The following SRGAP3 variants were observed in gnomAD, a reference collection of about 807,000 sequenced individuals.
The protein encoded by SRGAP3 is SLIT-ROBO Rho GTPase activating protein 3, also known as SLIT-ROBO Rho GTPase-activating protein 3.
In SRGAP3, 39 loss-of-function variants were observed where a neutral mutation model predicts 121.1. That is an observed-to-expected ratio of 0.32 (90% CI 0.25 to 0.42). The LOEUF is 0.42. Ranked by LOEUF, SRGAP3 falls within the 10% of genes least tolerant of loss-of-function variation. SRGAP3 has a pLI of 1.00. For missense variants in SRGAP3, 1,213 were observed against 1,470.6 expected (o/e 0.82, Z 2.86); for synonymous variants, 601 against 570.0 (o/e 1.05, Z -0.77).
At chr3:9,024,964 GTGGTGC>G (rs552092012) in intron 14 of SRGAP3, among the ~76,000 whole-genome samples, 8 of 152,240 alleles carry the variant, frequency 5.3e-5, no homozygotes, top group East Asian at 1.9e-4. Context: ...AACAGTGGTG[GTGGTGC>G]TGGTGCTGGT....
At chr3:9,317,206 A>G (rs1032169439) in intron 3 of SRGAP3, among the ~76,000 whole-genome samples, 39 of 152,306 alleles carry the variant, frequency 2.6e-4, no homozygotes, top group East Asian at 1.4e-3. Context: ...TGGAGGGGCC[A>G]CCAGCTAACG....
At chr3:9,254,935 A>G (rs1488734055) in intron 3 of SRGAP3, among the ~76,000 whole-genome samples, 1 of 150,320 alleles carries the variant, frequency 6.7e-6, no homozygotes, top group Non-Finnish European at 1.5e-5. Flanking sequence ...GAGAGAAAGA[A>G]AAAGAAAGAA....
intron 9 of SRGAP3, among the ~76,000 whole-genome samples, chr3:9,052,459 A>C (rs1183170708): frequency 6.6e-6 from 1 of 152,220 alleles, no homozygotes; most frequent in Non-Finnish European, 1.5e-5. Context: ...ATCCCATGGA[A>C]GATTTAAGGT....
At chr3:9,115,287 G>C (rs1314774005) in intron 2 of SRGAP3, among the ~76,000 whole-genome samples, 1 of 152,150 alleles carries the variant, frequency 6.6e-6, no homozygotes, top group Non-Finnish European at 1.5e-5. Flanking sequence ...GTGCTATATA[G>C]TCTTTGAAGG....
intron 1 of SRGAP3, among the ~76,000 whole-genome samples, chr3:9,155,173 G>A (rs905260277): frequency 6.6e-5 from 10 of 152,160 alleles, no homozygotes; most frequent in African/African-American, 2.4e-4. Context: ...TAGTTTAGCT[G>A]AGCGTGGAGT....
At chr3:9,303,250 C>G (rs1574987060) in intron 3 of SRGAP3, among the ~76,000 whole-genome samples, 2 of 152,162 alleles carry the variant, frequency 1.3e-5, no homozygotes, top group Admixed American at 1.3e-4. Flanking sequence ...CATGGTAAAA[C>G]CCCATCTCTA....
chr3:9,281,133 T>A (rs1354260225), intron 3 of SRGAP3, among the ~76,000 whole-genome samples: 1 of 152,148 alleles, frequency 6.6e-6, no homozygotes, highest in Non-Finnish European at 1.5e-5. Flanking sequence ...GTTTCTTCAC[T>A]CTCCAACCAC....
intron 1 of SRGAP3, among the ~76,000 whole-genome samples, chr3:9,234,075 G>A (rs562348119): frequency 1.9e-4 from 29 of 152,244 alleles, no homozygotes; most frequent in African/African-American, 7.0e-4. Flanking sequence ...TCAGGGTGGG[G>A]CCTGAACCTG....
chr3:9,247,055 A>G (rs1953851872), intron 1 of SRGAP3, among the ~76,000 whole-genome samples: 1 of 152,240 alleles, frequency 6.6e-6, no homozygotes, highest in South Asian at 2.1e-4. Context: ...TGAGATAAGC[A>G]CATTTCCTAC....
chr3:9,356,519 C>T (rs973016824), intron 1 of SRGAP3, among the ~76,000 whole-genome samples: 5 of 151,570 alleles, frequency 3.3e-5, no homozygotes, highest in Non-Finnish European at 7.4e-5. Context: ...ACTACAGGCG[C>T]CCGCCACCAC....
At chr3:9,177,187 G>T (rs1382589434) in intron 1 of SRGAP3, among the ~76,000 whole-genome samples, 1 of 152,200 alleles carries the variant, frequency 6.6e-6, no homozygotes, top group Admixed American at 6.5e-5. Context: ...CACTCTACTG[G>T]GTGATGTGGA....
At chr3:9,261,860 A>G (rs1954261569) in intron 3 of SRGAP3, among the ~76,000 whole-genome samples, 2 of 141,302 alleles carry the variant, frequency 1.4e-5, no homozygotes, top group Admixed American at 7.6e-5. Flanking sequence ...CACCACAAAG[A>G]TACTCCTCAT....
At chr3:9,013,716 G>A (rs757153145) in intron 16 of SRGAP3, 21 bp downstream of exon 16, 3 of 1,613,342 alleles carry the variant, frequency 1.9e-6, no homozygotes, top group South Asian at 1.1e-5. Context: ...TCAAAAAGGG[G>A]CCCCTTGGCC....
intron 1 of SRGAP3, among the ~76,000 whole-genome samples, chr3:9,225,758 C>T (rs1952964479): frequency 6.6e-6 from 1 of 152,144 alleles, no homozygotes. Context: ...CTATTGGGGC[C>T]AGGCAGGCCG....
chr3:8,994,653 C>T lies in SRGAP3; in HGVS notation c.2228-130G>A. ...AGCTGGTGAGAACATGGACAGAACG[C>T]CTGGTGGGCTGGGGCTCAGGACCCT... On this transcript the variant is annotated intron_variant, in intron 18 of 21. Transcript: ENST00000383836. 2.4e-6 allele frequency: 3 copies of T among 1,230,776 alleles called. No homozygotes were observed. The Admixed American group carries it at 5.7e-5, about 24-fold the overall frequency. 76.2% of individuals were successfully genotyped at this position (1,230,776 alleles called of 1,614,324 possible). A position where few individuals can be genotyped will look rare whatever the true frequency, so the allele number is the denominator to read the frequency against.
At chr3:9,011,435 C>A (rs1050931963) in intron 17 of SRGAP3, among the ~76,000 whole-genome samples, 1 of 152,216 alleles carries the variant, frequency 6.6e-6, no homozygotes, top group African/African-American at 2.4e-5. Context: ...CTCTACCCAA[C>A]CTGTGGAGCC....
chr3:9,080,424 G>A (rs955956360), intron 3 of SRGAP3, among the ~76,000 whole-genome samples: 29 of 152,212 alleles, frequency 1.9e-4, no homozygotes, highest in Admixed American at 3.3e-4. Context: ...CGTGTACTAA[G>A]CTGGTATGAC....
chr3:9,179,845 T>C (rs1039675605), intron 1 of SRGAP3, among the ~76,000 whole-genome samples: 1 of 152,234 alleles, frequency 6.6e-6, no homozygotes, highest in African/African-American at 2.4e-5. Context: ...CAAGGCCACA[T>C]AGCTACCAAG....
intron 1 of SRGAP3, among the ~76,000 whole-genome samples, chr3:9,142,618 C>T (rs967699945): frequency 6.6e-5 from 10 of 152,182 alleles, no homozygotes; most frequent in Non-Finnish European, 1.5e-4. Flanking sequence ...GTAGTGGGTT[C>T]TTTCTGTTCC....
Sources: allele counts gnomAD v4.1 joint callset (sites outside exome capture counted in the v4.1 genomes callset), GRCh38; gene constraint gnomAD v4.1.1; transcripts MANE v1.5; gene names NCBI Gene and HGNC (gene_info 2026-07-23, HGNC 2026-07-21).